The following CPSF1 variants were observed in gnomAD, a reference collection of about 807,000 sequenced individuals.
CPSF1 encodes cleavage and polyadenylation specific factor 1, also known as cleavage and polyadenylation specificity factor subunit 1.
CPSF1 carries 106 observed loss-of-function variants against 175.8 expected under a neutral mutation model. That is an observed-to-expected ratio of 0.60 (90% confidence interval 0.52 to 0.71). The LOEUF is 0.71. Ranked by LOEUF, CPSF1 falls within the 30% of genes least tolerant of loss-of-function variation. The probability of loss-of-function intolerance (pLI) is 0.00; values close to 1 mark genes in which losing one functional copy is unlikely to be tolerated. For missense variants in CPSF1, 1,734 were observed against 2,022.9 expected (o/e 0.86, Z 2.74); for synonymous variants, 1,024 against 858.3 (o/e 1.19, Z -3.37).
At chr8:144,401,724 C>T in intron 2 of CPSF1, 51 bp from the exon 3 acceptor site, 3 of 1,560,386 alleles carry the variant, frequency 1.9e-6, no homozygotes, top group Non-Finnish European at 2.6e-6. Flanking sequence ...TGGCAGCTCA[C>T]CTCATCCGGG....
intron 2 of CPSF1, among the ~76,000 whole-genome samples, chr8:144,408,549 G>C (rs2116911149): frequency 3.3e-5 from 5 of 152,092 alleles, no homozygotes; most frequent in African/African-American, 4.8e-5. Context: ...ACAAACTCCC[G>C]CTCTGCCTCA....
At position 144,394,713 on chromosome 8, in the gene CPSF1, C is replaced by T. The variant is rs201977231; in HGVS notation, c.3498G>A (p.Lys1166=). The T allele has an allele frequency of 1.1e-5, 18 of 1,613,438 alleles. No homozygotes were observed. Among genetic ancestry groups the T allele is most frequent in the South Asian group, 2.2e-5 (2 of 91,078 alleles). ...TKNKFKVLYE[K]EQKGPVTALC... is the part of the protein sequence containing the mutation. ...GGGCGGTCACGGGCCCCTTCTGCTC[C>T]TTCTCGTAAAGGACTTTGAACTTGT... The change falls in exon 31 of 38, where the codon AAG becomes AAA. Residue 1166 remains lysine, a synonymous_variant. Transcript: ENST00000616140.
intron 9 of CPSF1, 31 bp downstream of exon 9, chr8:144,400,131 CCGGG>C: frequency 8.8e-7 from 1 of 1,131,460 alleles, no homozygotes; most frequent in Non-Finnish European, 1.2e-6. Context: ...CAAGCCGTCC[CCGGG>C]CCCCCCCCGC....
In CPSF1 at chr8:144,398,568, C is replaced by T. The variant is rs2116852331; in HGVS notation, c.1709G>A (p.Arg570His). 34 of 1,613,946 alleles carry T rather than the reference C, an allele frequency of 2.1e-5. No homozygotes were observed. The highest frequency in any genetic ancestry group is 3.3e-5 in the Admixed American group (2 of 60,020). ...STTPEADDDG[R>H]RHGFLILSRE... Reference sequence around the variant, plus strand: ...GCTCAGAATCAGGAATCCGTGTCTGCGGCCGTCGTCGTCTGCTTCAGGGGT... The same window carrying T: ...GCTCAGAATCAGGAATCCGTGTCTGTGGCCGTCGTCGTCTGCTTCAGGGGT... Residue 570 changes from arginine (R) to histidine (H), a missense_variant, in exon 18 of 38, where the codon CGC (arginine) becomes CAC (histidine). Arg to His is a conservative substitution (Grantham distance 29, BLOSUM62 0). Coordinates refer to ENST00000616140, the MANE Select transcript of CPSF1 (RefSeq NM_013291.3).
Position 144,394,494 on chromosome 8 carries a change from A to G in CPSF1, c.3629T>C (p.Leu1210Pro). The G allele has an allele frequency of 6.2e-7, 1 of 1,609,844 alleles. No homozygotes were observed. Among genetic ancestry groups the G allele is most frequent in the Non-Finnish European group, 8.5e-7 (1 of 1,178,828 alleles). ...GACGCTGATCATCTGGTGTATGTAG[A>G]GCTGCGTGTCGATGAAGGCCATGCC... ...LTGMAFIDTQ[L>P]YIHQMISVKN... The change falls in exon 32 of 38, where the codon CTC becomes CCC. Residue 1210 changes from leucine to proline, a missense_variant. By Grantham distance (98) the Leu-to-Pro change is moderately conservative. This residue lies in a region of CPSF1 where 62 missense variants were observed against 124.5 expected (regional missense o/e 0.50). Transcript: ENST00000616140.
At chr8:144,408,728 G>A (rs1257234742) in intron 2 of CPSF1, among the ~76,000 whole-genome samples, 1 of 152,220 alleles carries the variant, frequency 6.6e-6, no homozygotes, top group African/African-American at 2.4e-5. Context: ...AGCGCACAGT[G>A]GGCGTTCGCT....
Position 144,398,633 on chromosome 8 carries a change from G to A in CPSF1, c.1644C>T (p.Asp548=), listed in dbSNP as rs1350271640. ...GCTCTGTGCCCTCCCCCTTGGGATT[G>A]TCCTCCTGTCAGGGCCAAAGGGGGG... ...VIAPVRKEEE[D]NPKGEGTEQE... The change falls in exon 18 of 38, where the codon GAC becomes GAT. Residue 548 remains aspartate (D), a synonymous_variant. Transcript: ENST00000616140. The A allele has an allele frequency of 1.9e-5, 30 of 1,613,680 alleles. No individual in the cohort carries two copies. The highest frequency in any genetic ancestry group is 4.0e-5 in the African/African-American group (3 of 74,932).
chr8:144,403,518 G>C (rs1431575844), intron 2 of CPSF1, among the ~76,000 whole-genome samples: 1 of 151,928 alleles, frequency 6.6e-6, no homozygotes, highest in African/African-American at 2.4e-5. Context: ...TGAGTAGCTG[G>C]GACCACATGT....
At position 144,399,023 on chromosome 8, in the gene CPSF1, C is replaced by T. The variant is rs1554865314; in HGVS notation, c.1483G>A (p.Glu495Lys). The change falls in exon 16 of 38, where the codon GAG becomes AAG. Residue 495 changes from glutamate (E) to lysine (K), a missense_variant. Glu to Lys is a moderately conservative substitution (Grantham distance 56, BLOSUM62 1). Coordinates refer to ENST00000616140, the MANE Select transcript of CPSF1 (RefSeq NM_013291.3). This position sits in a 1 kb window ranked among gnomAD's most constrained non-coding sequence, Gnocchi z 6.4. ...CAAACCACAATCTCCAGGTCCGGCT[C>T]GGGGCTGTTCTGAAACTGCACAGGA... is the stretch of plus-strand genomic sequence containing the variant. ...FLSEEFQNSP[E>K]PDLEIVVCSG... 2.5e-6 allele frequency: 4 copies of T among 1,602,678 alleles called. No individual in the cohort carries two copies. The highest frequency in any genetic ancestry group is 2.3e-5 in the East Asian group (1 of 44,156).
rs782478061 is a variant in CPSF1, at chr8:144,397,285, C to T, written c.2514G>A (p.Thr838=). 84 of 1,549,720 alleles carry T rather than the reference C, an allele frequency of 5.4e-5. No homozygotes were observed. Among genetic ancestry groups the T allele is most frequent in the South Asian group, 1.3e-4 (11 of 84,092 alleles). Reference sequence around the variant, plus strand: ...TGACGAGGGGCAGCTCCCCCTGGCGCGTGGCCTCCTCCCTGCGGGCCTCGC... The same window carrying T: ...TGACGAGGGGCAGCTCCCCCTGGCGTGTGGCCTCCTCCCTGCGGGCCTCGC... ...TQGEARREEA[T]RQGELPLVKE... Residue 838 remains threonine, a synonymous_variant, in exon 23 of 38, where the codon ACG becomes ACA. Transcript: ENST00000616140.
rs2116853319 is a variant in CPSF1 at position 144,398,658 on chromosome 8, G to A, written c.1639-20C>T. Reference sequence around the variant, plus strand: ...GTCCTCCTGTCAGGGCCAAAGGGGGGCAGGCTGGAAGCCACAGTCCAGTGA... The same window carrying A: ...GTCCTCCTGTCAGGGCCAAAGGGGGACAGGCTGGAAGCCACAGTCCAGTGA... On this transcript the variant is annotated intron_variant, in intron 17 of 37. Coordinates refer to ENST00000616140, the MANE Select transcript of CPSF1 (RefSeq NM_013291.3). The A allele has an allele frequency of 2.5e-6, 4 of 1,612,368 alleles. No individual in the cohort carries two copies. The highest frequency in any genetic ancestry group is 2.5e-6 in the Non-Finnish European group (3 of 1,178,936).
At chr8:144,396,003 G>C (rs143589376) in intron 26 of CPSF1, 15 of 411,752 alleles carry the variant, frequency 3.6e-5, no homozygotes, top group Non-Finnish European at 5.3e-5. Flanking sequence ...GAGAAAGCCT[G>C]TGTGCCCTCC....
rs1821015109 is a variant in CPSF1, at chr8:144,399,451, C to A, written c.1294+1G>T. On this transcript the variant is annotated splice_donor_variant, in intron 13 of 37. Coordinates refer to ENST00000616140, the MANE Select transcript of CPSF1 (RefSeq NM_013291.3). LOFTEE classifies it high-confidence loss of function. This position sits in a 1 kb window ranked among gnomAD's most constrained non-coding sequence, Gnocchi z 6.4. ...CTGACCAGCCCTGGACCGGCCCTCACCTGACCAGCCGGCCGTCGCATCCAC... is the reference window on the plus strand; with the variant it reads ...CTGACCAGCCCTGGACCGGCCCTCAACTGACCAGCCGGCCGTCGCATCCAC... 6.2e-7 allele frequency: 1 copy of A among 1,612,930 alleles called. No homozygotes were observed.
chr8:144,401,232 G>A lies in CPSF1; in HGVS notation c.366C>T (p.Tyr122=). The A allele has an allele frequency of 1.3e-6, 2 of 1,551,032 alleles. No individual in the cohort carries two copies. The highest frequency in any genetic ancestry group is 1.7e-6 in the Non-Finnish European group (2 of 1,147,178). Residue 122 remains tyrosine (Y), a synonymous_variant, in exon 5 of 38, where the codon TAC becomes TAT. Transcript: ENST00000616140. ...CTACCCGAAGCTCAGGCTCCTCAAA[G>A]TAGTGCAGTGACAGGGTCTTCAGGT... The part of the protein sequence containing the change: ...THDLKTLSLH[Y]FEEPELRDGF...
At chr8:144,405,960 T>A (rs1362309453) in intron 2 of CPSF1, among the ~76,000 whole-genome samples, 1 of 152,142 alleles carries the variant, frequency 6.6e-6, no homozygotes, top group East Asian at 1.9e-4. Context: ...CTTGCCCTGG[T>A]GGAGGAGAGC....
Position 144,397,999 on chromosome 8 carries a change from A to G in CPSF1, c.2028T>C (p.Gly676=). ...TMFLLKSDSY[G]GRHHRLALHK... is the part of the protein sequence containing the mutation. ...GCAGCGCCAGGCGGTGGTGGCGGCC[A>G]CCGTAGGAGTCACTCTTCAGCAGGA... The change falls in exon 20 of 38, where the codon GGT becomes GGC. Residue 676 remains glycine, a synonymous_variant. Coordinates refer to ENST00000616140, the MANE Select transcript of CPSF1 (RefSeq NM_013291.3). 1 of 1,611,316 alleles carries G rather than the reference A, an allele frequency of 6.2e-7. No individual in the cohort carries two copies. Among genetic ancestry groups the G allele is most frequent in the Admixed American group, 1.7e-5 (1 of 59,924 alleles).
Position 144,400,388 on chromosome 8 carries a change from GTC to G in CPSF1, c.790_791del (p.Asp264LeufsTer99). The G allele has an allele frequency of 6.2e-7, 1 of 1,613,900 alleles. No individual in the cohort carries two copies. Among genetic ancestry groups the G allele is most frequent in the Non-Finnish European group, 8.5e-7 (1 of 1,179,976 alleles). On this transcript the variant is annotated frameshift_variant, in exon 8 of 38. Transcript: ENST00000616140. LOFTEE classifies it high-confidence loss of function. The stretch of plus-strand genomic sequence containing the variant: ...TGGGCACAGCCAGAGCCTGGGTGCA[GTC>G]AAAGGGCAGGCTGGTGAGGGACCAG... ...VIWSLTSLPF[D>X]CTQALAVPKP...
rs1821076543 is a variant in CPSF1, at chr8:144,400,104, GGCCGACTAGGCAGGCCCAA to G, written c.938-38_938-20del. ...TGGGTGCCTGTGGGGTGGGTGGTCA[GGCCGACTAGGCAGGCCCAA>G]GCCGTCCCCGGGCCCCCCCCGCCCC... is the stretch of plus-strand genomic sequence containing the variant. On this transcript the variant is annotated intron_variant, in intron 9 of 37. Transcript: ENST00000616140. 1 of 1,595,540 alleles carries G rather than the reference GGCCGACTAGGCAGGCCCAA, an allele frequency of 6.3e-7. No homozygotes were observed. The highest frequency in any genetic ancestry group is 8.5e-7 in the Non-Finnish European group (1 of 1,173,150).
In CPSF1 at chr8:144,400,630, A is replaced by G. The variant is rs2116876745; in HGVS notation, c.686+41T>C. ...GGCCCCACCCCAGGCAGAGGCAGCT[A>G]GGGGGCCCACAGTGCAGAGGGGCCT... On this transcript the variant is annotated intron_variant, in intron 7 of 37. Coordinates refer to ENST00000616140, the MANE Select transcript of CPSF1 (RefSeq NM_013291.3). 6.9e-6 allele frequency: 11 copies of G among 1,595,318 alleles called. 1 individual carries two copies. In the South Asian group the frequency reaches 1.1e-4, roughly 16 times the overall value.
Sources: allele counts gnomAD v4.1 joint callset (sites outside exome capture counted in the v4.1 genomes callset), GRCh38; gene constraint gnomAD v4.1.1; regional missense constraint gnomAD v4.1.1; non-coding constraint Gnocchi (gnomAD v3.1); transcripts MANE v1.5; gene names NCBI Gene and HGNC (gene_info 2026-07-23, HGNC 2026-07-21).